The following STK35 variants were observed in gnomAD, a reference collection of about 807,000 sequenced individuals.
The protein encoded by STK35 is serine/threonine-protein kinase 35.
STK35 carries 17 observed loss-of-function variants against 37.3 expected under a neutral mutation model. The ratio of observed to expected loss-of-function variants is 0.46; its 90% CI spans 0.31 to 0.68. The LOEUF (loss-of-function observed/expected upper bound fraction) is 0.68, where lower values mean the gene tolerates loss of function less well. STK35 is among the 30% of genes least tolerant of loss of function. The pLI, the probability that STK35 is intolerant of heterozygous loss-of-function variation, is 0.05. For synonymous variants in STK35, 385 were observed against 319.1 expected (o/e 1.21, Z -2.20); for missense variants, 595 against 746.7 (o/e 0.80, Z 2.37).
In STK35 at chr20:2,117,944, G is replaced by C. The variant is rs922422175; in HGVS notation, c.*37+529G>C. ...AAAGTCTAGAGAAGTCTTCTCAGAG[G>C]AGGTTGCGTTTAAGCCGAGTCTCCC... On this transcript the variant is annotated intron_variant, in intron 3 of 3. Coordinates refer to ENST00000381482, the MANE Select transcript of STK35 (RefSeq NM_080836.4). This position sits in a 1 kb window ranked among gnomAD's most constrained non-coding sequence, Gnocchi z 4.4. Among the ~76,000 whole-genome samples the C allele has an allele frequency of 1.3e-5, 2 of 152,238 alleles. No homozygotes were observed. Among genetic ancestry groups the C allele is most frequent in the Non-Finnish European group, 2.9e-5 (2 of 68,046 alleles).
intron 3 of STK35, among the ~76,000 whole-genome samples, chr20:2,137,174 TACCTCCTGTGC>T (rs1345806755): frequency 2.6e-5 from 4 of 152,230 alleles, no homozygotes; most frequent in Non-Finnish European, 4.4e-5. Context: ...CTTATTAAAG[TACCTCCTGTGC>T]ACCTCACTCC....
chr20:2,101,869 G>A lies in STK35; in HGVS notation c.-13G>A. 1 of 1,409,728 alleles carries A rather than the reference G, an allele frequency of 7.1e-7. No individual in the cohort carries two copies. Among genetic ancestry groups the A allele is most frequent in the Non-Finnish European group, 9.3e-7 (1 of 1,079,710 alleles). The allele number at this position is 1,409,728 out of a possible 1,614,324, so 87.3% of individuals were successfully genotyped here. A position where few individuals can be genotyped will look rare whatever the true frequency, so the allele number is the denominator to read the frequency against. ...CGGGCGGTGCAGGGCTCACTCGGCTGGCGTCCCGGGGGATGGGCCACCAGG... is the reference window on the plus strand; with the variant it reads ...CGGGCGGTGCAGGGCTCACTCGGCTAGCGTCCCGGGGGATGGGCCACCAGG... On this transcript the variant is annotated 5_prime_UTR_variant, in exon 1 of 4. Coordinates refer to ENST00000381482, the MANE Select transcript of STK35 (RefSeq NM_080836.4).
chr20:2,140,669 G>C (rs1388509085), intron 3 of STK35, among the ~76,000 whole-genome samples: 1 of 152,196 alleles, frequency 6.6e-6, no homozygotes, highest in Non-Finnish European at 1.5e-5. Flanking sequence ...CCTGTAGGCT[G>C]TTCTGAGGCT....
chr20:2,135,966 C>G (rs948066426), intron 3 of STK35, among the ~76,000 whole-genome samples: 9 of 152,182 alleles, frequency 5.9e-5, no homozygotes, highest in African/African-American at 2.2e-4. Context: ...CCTTTGCACT[C>G]CAGCCTGACA....
At chr20:2,128,979 C>T (rs1002819940) in intron 3 of STK35, among the ~76,000 whole-genome samples, 1 of 152,058 alleles carries the variant, frequency 6.6e-6, no homozygotes, top group African/African-American at 2.4e-5. Flanking sequence ...TGCATGCCAC[C>T]ACGCCCAGCT....
chr20:2,134,925 C>T (rs1986060832), intron 3 of STK35, among the ~76,000 whole-genome samples: 1 of 152,098 alleles, frequency 6.6e-6, no homozygotes, highest in Non-Finnish European at 1.5e-5. Context: ...CTGGGATATG[C>T]ATTAAACTTC....
intron 3 of STK35, among the ~76,000 whole-genome samples, chr20:2,130,233 C>T (rs919578696): frequency 2.0e-5 from 3 of 152,034 alleles, no homozygotes; most frequent in Admixed American, 2.0e-4. Flanking sequence ...TAAGTGGCGC[C>T]CGTTTATCTG....
intron 2 of STK35, among the ~76,000 whole-genome samples, chr20:2,105,777 C>G (rs189753892): frequency 1.2e-4 from 19 of 152,326 alleles, no homozygotes; most frequent in African/African-American, 3.8e-4. Context: ...TGTTCTTGCT[C>G]AAGTTTCCCA....
rs1167083258 is a variant in STK35 at position 2,145,673 on chromosome 20, T to A, written c.*1927T>A. On this transcript the variant is annotated 3_prime_UTR_variant, in exon 4 of 4. Coordinates refer to ENST00000381482, the MANE Select transcript of STK35 (RefSeq NM_080836.4). ...CTGCCTGTCTCTCCTGTCTCTGACT[T>A]CTCAGGCAGCCTCCTGAGTGCACTG... is the stretch of plus-strand genomic sequence containing the variant. 3 of 152,202 alleles carry A rather than the reference T, an allele frequency of 2.0e-5. No individual in the cohort carries two copies. The East Asian group carries it at 5.8e-4, about 29-fold the overall frequency. 9.4% of individuals were successfully genotyped at this position (152,202 alleles called of 1,614,324 possible).
intron 3 of STK35, among the ~76,000 whole-genome samples, chr20:2,136,708 C>G (rs1318811753): frequency 6.6e-6 from 1 of 152,214 alleles, no homozygotes; most frequent in Non-Finnish European, 1.5e-5. Context: ...TGAGCTCTTC[C>G]TAAAAACCCA....
rs1002161244 is a variant in STK35 at position 2,125,504 on chromosome 20, A to G, written c.*37+8089A>G. 4.6e-5 allele frequency among the ~76,000 whole-genome samples: 7 copies of G among 152,224 alleles called. No individual in the cohort carries two copies. The East Asian group carries it at 1.3e-3, about 29-fold the overall frequency. On this transcript the variant is annotated intron_variant, in intron 3 of 3. Transcript: ENST00000381482. ...TGGAAACTCTACTGCTCCGTTCTGC[A>G]TTCTACAGCCTCTTAAAGCCACTTT...
intron 3 of STK35, among the ~76,000 whole-genome samples, chr20:2,131,225 G>A (rs1985993983): frequency 6.6e-6 from 1 of 152,180 alleles, no homozygotes; most frequent in Non-Finnish European, 1.5e-5. Flanking sequence ...GCATGTTGTG[G>A]TACTGAATAC....
chr20:2,137,115 G>A (rs536275493), intron 3 of STK35, among the ~76,000 whole-genome samples: 12 of 152,322 alleles, frequency 7.9e-5, no homozygotes, highest in South Asian at 4.1e-4. Context: ...GAGGTTTTAT[G>A]GGTTTGGTTT....
intron 2 of STK35, among the ~76,000 whole-genome samples, chr20:2,106,879 G>A (rs1198854952): frequency 3.3e-5 from 5 of 152,182 alleles, no homozygotes; most frequent in Admixed American, 2.0e-4. Context: ...TGACCTGGCT[G>A]CCTGTTTCAC....
chr20:2,107,851 G>A (rs985794577), intron 2 of STK35, among the ~76,000 whole-genome samples: 3 of 152,166 alleles, frequency 2.0e-5, no homozygotes, highest in Admixed American at 2.0e-4. Context: ...CAGAGAGCTG[G>A]CTGGCATTGG....
chr20:2,142,612 C>G (rs1430316243), intron 3 of STK35, among the ~76,000 whole-genome samples: 1 of 152,184 alleles, frequency 6.6e-6, no homozygotes. Flanking sequence ...AAAAATTAGC[C>G]TGGCGTGGTG....
intron 3 of STK35, among the ~76,000 whole-genome samples, chr20:2,132,025 C>G (rs1231291875): frequency 6.6e-6 from 1 of 152,206 alleles, no homozygotes; most frequent in East Asian, 1.9e-4. Context: ...GTACTCCCCA[C>G]TCTTTTTTAA....
chr20:2,129,444 G>A (rs1042658071), intron 3 of STK35, among the ~76,000 whole-genome samples: 2 of 152,254 alleles, frequency 1.3e-5, no homozygotes, highest in South Asian at 2.1e-4. Flanking sequence ...TCTCGGGCAC[G>A]CTGATGGCAG....
At position 2,146,308 on chromosome 20, in the gene STK35, C is replaced by T. The variant is rs1986266573; in HGVS notation, c.*2562C>T. 6.5e-6 allele frequency: 1 copy of T among 152,830 alleles called. No individual in the cohort carries two copies. Among genetic ancestry groups the T allele is most frequent in the South Asian group, 2.1e-4 (1 of 4,848 alleles). 9.5% of individuals were successfully genotyped at this position (152,830 alleles called of 1,614,324 possible). A position where few individuals can be genotyped will look rare whatever the true frequency, so the allele number is the denominator to read the frequency against. On this transcript the variant is annotated 3_prime_UTR_variant, in exon 4 of 4. Coordinates refer to ENST00000381482, the MANE Select transcript of STK35 (RefSeq NM_080836.4). ...TCTCCACTGTCCCCTTGTGGACCAGCTTCCACTCACTGTCACGTCCCCCCT... is the reference window on the plus strand; with the variant it reads ...TCTCCACTGTCCCCTTGTGGACCAGTTTCCACTCACTGTCACGTCCCCCCT...
Sources: allele counts gnomAD v4.1 joint callset (sites outside exome capture counted in the v4.1 genomes callset), GRCh38; gene constraint gnomAD v4.1.1; non-coding constraint Gnocchi (gnomAD v3.1); transcripts MANE v1.5; gene names NCBI Gene and HGNC (gene_info 2026-07-23, HGNC 2026-07-21).